Variants in PTPRE observed in about 807,000 individuals in gnomAD.
The protein encoded by PTPRE is receptor-type tyrosine-protein phosphatase epsilon.
A neutral mutation model predicts 102.0 loss-of-function variants in PTPRE; 51 were observed. That is an observed-to-expected ratio of 0.50 (90% CI 0.40 to 0.63). The LOEUF (loss-of-function observed/expected upper bound fraction) is 0.63. Among genes scored for constraint, PTPRE ranks in the 30% least tolerant of loss-of-function variants. PTPRE has a pLI of 0.00. For missense variants in PTPRE, 752 were observed against 915.1 expected, an observed-to-expected ratio of 0.82 and a Z score of 2.30; for synonymous variants, 345 against 348.2, an observed-to-expected ratio of 0.99 and a Z score of 0.10.
chr10:127,973,479 C>T (rs1229461718), intron 1 of PTPRE, among the ~76,000 whole-genome samples: 2 of 152,096 alleles, frequency 1.3e-5, no homozygotes, highest in Non-Finnish European at 2.9e-5. Flanking sequence ...TTAAATGGTT[C>T]AGATCAGCCA....
intron 2 of PTPRE, among the ~76,000 whole-genome samples, chr10:128,009,078 C>T (rs1016483573): frequency 3.5e-4 from 54 of 152,302 alleles, no homozygotes; most frequent in Non-Finnish European, 7.4e-4. Context: ...TGGCTGTCAC[C>T]GCAAGCCACA....
intron 2 of PTPRE, among the ~76,000 whole-genome samples, chr10:128,018,375 G>A (rs1320471262): frequency 6.6e-6 from 1 of 152,220 alleles, no homozygotes; most frequent in Non-Finnish European, 1.5e-5. Context: ...CTGCACAGCA[G>A]TTCCAACTGC....
At chr10:127,951,034 G>A (rs188773877) in intron 1 of PTPRE, among the ~76,000 whole-genome samples, 1,754 of 152,034 alleles carry the variant, frequency 0.012, 28 homozygotes, top group African/African-American at 0.04. Flanking sequence ...CCAAGATTGC[G>A]CCACTGCACT....
At chr10:127,957,217 G>T (rs1366618218) in intron 1 of PTPRE, among the ~76,000 whole-genome samples, 2 of 151,916 alleles carry the variant, frequency 1.3e-5, no homozygotes, top group Non-Finnish European at 2.9e-5. Flanking sequence ...CTTACATTTA[G>T]GTCTATGATC....
chr10:127,993,912 G>A (rs1336836782), intron 2 of PTPRE, among the ~76,000 whole-genome samples: 1 of 152,064 alleles, frequency 6.6e-6, no homozygotes, highest in Non-Finnish European at 1.5e-5. Flanking sequence ...GAGGAGTTGG[G>A]GGAGTCTCAG....
chr10:128,001,703 G>T (rs1853916072), intron 2 of PTPRE, among the ~76,000 whole-genome samples: 2 of 152,122 alleles, frequency 1.3e-5, no homozygotes, highest in South Asian at 4.1e-4. Context: ...CTGACCTAGG[G>T]GTCTGCCATG....
In PTPRE at chr10:127,933,006, C is replaced by T. The variant is rs376570150; in HGVS notation, c.-31+25697C>T. 3.5e-4 allele frequency among the ~76,000 whole-genome samples: 53 copies of T among 152,334 alleles called. 1 individual carries two copies. In the East Asian group the frequency reaches 8.7e-3, roughly 25 times the overall value. On this transcript the variant is annotated intron_variant, in intron 1 of 20. Transcript: ENST00000254667. ...ATCTTTAAAGCCCGCCATGTGCTCC[C>T]AGTCTCTCTGACCCCCTTTCTCCCT... is the stretch of plus-strand genomic sequence containing the variant.
chr10:127,929,272 T>C (rs1342005314), intron 1 of PTPRE: 3 of 152,252 alleles, frequency 2.0e-5, no homozygotes, highest in Non-Finnish European at 4.4e-5. Context: ...ATGTATGCTG[T>C]GTAAATAGTG....
At chr10:128,062,533 C>A (rs1308403910) in intron 9 of PTPRE, among the ~76,000 whole-genome samples, 1 of 152,154 alleles carries the variant, frequency 6.6e-6, no homozygotes, top group Non-Finnish European at 1.5e-5. Flanking sequence ...CCCGCCCATC[C>A]CCCTCAGCAC....
chr10:128,042,512 G>C (rs1170398983), intron 3 of PTPRE, among the ~76,000 whole-genome samples: 1 of 152,146 alleles, frequency 6.6e-6, no homozygotes, highest in Non-Finnish European at 1.5e-5. Flanking sequence ...CCTCTGCCAG[G>C]GCCTCTGCGT....
chr10:128,009,940 G>A (rs370419025), intron 2 of PTPRE, among the ~76,000 whole-genome samples: 34 of 152,302 alleles, frequency 2.2e-4, no homozygotes, highest in African/African-American at 8.2e-4. Flanking sequence ...ATGAGAGAAA[G>A]CAGGCAAGAC....
At chr10:128,059,790 T>C (rs747294481) in intron 7 of PTPRE, among the ~76,000 whole-genome samples, 34 of 152,158 alleles carry the variant, frequency 2.2e-4, no homozygotes, top group Non-Finnish European at 4.7e-4. Flanking sequence ...GCAAAACCCA[T>C]TCTGGAGTGC....
At chr10:127,961,050 T>C (rs1849772222) in intron 1 of PTPRE, among the ~76,000 whole-genome samples, 1 of 150,886 alleles carries the variant, frequency 6.6e-6, no homozygotes, top group South Asian at 2.1e-4. Context: ...AACAAGTAGT[T>C]CCCACTCACC....
intron 2 of PTPRE, among the ~76,000 whole-genome samples, chr10:127,994,047 A>C (rs556837762): frequency 3.5e-4 from 53 of 152,342 alleles, no homozygotes; most frequent in Non-Finnish European, 6.0e-4. Flanking sequence ...GTTCCCTCAC[A>C]AAACACAAGT....
Position 128,008,439 on chromosome 10 carries a change from G to C in PTPRE, c.-8+26143G>C, listed in dbSNP as rs1278866734. Among the ~76,000 whole-genome samples the C allele has an allele frequency of 2.6e-5, 4 of 152,190 alleles. No individual in the cohort carries two copies. The highest frequency in any genetic ancestry group is 9.7e-5 in the African/African-American group (4 of 41,446). On this transcript the variant is annotated intron_variant, in intron 2 of 20. Coordinates refer to ENST00000254667, the MANE Select transcript of PTPRE (RefSeq NM_006504.6). The surrounding 1 kb of genome is among the most constrained non-coding windows in gnomAD (Gnocchi z 4.0). ...GAAATCCTAGAGATGCTTAGCAAAA[G>C]TTTCAGTAGCCAGGGATAATGTCAA...
At chr10:128,002,132 G>A (rs1390498027) in intron 2 of PTPRE, among the ~76,000 whole-genome samples, 4 of 152,188 alleles carry the variant, frequency 2.6e-5, no homozygotes, top group Admixed American at 1.3e-4. Context: ...GGCAGCCACG[G>A]TCTCAGCCGT....
At chr10:127,975,228 G>A (rs1039344359) in intron 1 of PTPRE, among the ~76,000 whole-genome samples, 6 of 152,152 alleles carry the variant, frequency 3.9e-5, no homozygotes, top group Non-Finnish European at 8.8e-5. Flanking sequence ...GCCTCTAGAA[G>A]GTGGATCACC....
intron 20 of PTPRE, among the ~76,000 whole-genome samples, chr10:128,080,370 C>T (rs566684907): frequency 4.6e-5 from 7 of 152,316 alleles, no homozygotes; most frequent in East Asian, 3.9e-4. Context: ...TCACTCTCCA[C>T]GCTGACAATC....
intron 6 of PTPRE, among the ~76,000 whole-genome samples, chr10:128,052,116 T>A (rs1848607859): frequency 6.6e-6 from 1 of 152,172 alleles, no homozygotes; most frequent in Non-Finnish European, 1.5e-5. Flanking sequence ...GGGCTGGCCA[T>A]GTCCTGAGTC....
Sources: allele counts gnomAD v4.1 joint callset (sites outside exome capture counted in the v4.1 genomes callset), GRCh38; gene constraint gnomAD v4.1.1; non-coding constraint Gnocchi (gnomAD v3.1); transcripts MANE v1.5; gene names NCBI Gene and HGNC (gene_info 2026-07-23, HGNC 2026-07-21).